The following TTC33 variants were observed in gnomAD, a reference collection of about 807,000 sequenced individuals.
TTC33 encodes tetratricopeptide repeat protein 33.
TTC33 carries 24 observed loss-of-function variants against 29.4 expected under a neutral mutation model. The observed-to-expected ratio is 0.82, with a 90% CI of 0.59 to 1.15. The LOEUF is 1.15. Among genes scored for constraint, TTC33 ranks in the 50% most tolerant of loss-of-function variants. The pLI, the probability that TTC33 is intolerant of heterozygous loss-of-function variation, is 0.00. For synonymous variants in TTC33, 107 were observed against 100.3 expected (o/e 1.07, Z -0.40); for missense variants, 286 against 310.4 (o/e 0.92, Z 0.59).
chr5:40,752,527 C>T (rs1742914226), intron 1 of TTC33, among the ~76,000 whole-genome samples: 1 of 152,142 alleles, frequency 6.6e-6, no homozygotes, highest in Admixed American at 6.5e-5. Context: ...TTCAATATTG[C>T]TGTGTCTCAG....
chr5:40,736,225 C>A (rs114827336), intron 2 of TTC33, among the ~76,000 whole-genome samples: 119 of 152,228 alleles, frequency 7.8e-4, no homozygotes, highest in African/African-American at 2.8e-3. Context: ...AAAATAAAGT[C>A]ATTCTACACT....
At chr5:40,747,743 A>T (rs1742823213) in intron 1 of TTC33, among the ~76,000 whole-genome samples, 1 of 152,234 alleles carries the variant, frequency 6.6e-6, no homozygotes, top group African/African-American at 2.4e-5. Context: ...TAACCCCTAA[A>T]TTAAGAGAGA....
intron 2 of TTC33, 73 bp from the exon 3 acceptor site, chr5:40,730,416 T>C (rs1461194004): frequency 9.7e-6 from 12 of 1,234,200 alleles, no homozygotes; most frequent in African/African-American, 1.5e-5. Context: ...AAAATTTTTA[T>C]TGTAGTAAAA....
intron 1 of TTC33, among the ~76,000 whole-genome samples, chr5:40,750,339 G>T (rs1474505367): frequency 1.3e-5 from 2 of 152,056 alleles, no homozygotes; most frequent in Non-Finnish European, 2.9e-5. Flanking sequence ...TGAGGCTAAG[G>T]CAGGTAGAGG....
At chr5:40,718,692 T>C (rs928920946) in intron 4 of TTC33, among the ~76,000 whole-genome samples, 1 of 151,076 alleles carries the variant, frequency 6.6e-6, no homozygotes, top group African/African-American at 2.4e-5. Flanking sequence ...GAGCCGAGAT[T>C]GCACCACCGC....
intron 4 of TTC33, among the ~76,000 whole-genome samples, chr5:40,723,676 C>A (rs1160806085): frequency 6.6e-6 from 1 of 152,120 alleles, no homozygotes; most frequent in Non-Finnish European, 1.5e-5. Flanking sequence ...ACCAGCCTGG[C>A]CAACATGGCA....
chr5:40,743,575 C>T (rs142416920), intron 2 of TTC33, among the ~76,000 whole-genome samples: 45 of 151,748 alleles, frequency 3.0e-4, no homozygotes, highest in African/African-American at 9.7e-4. Flanking sequence ...GGGTTCAAGA[C>T]CAGCCTGGCC....
intron 4 of TTC33, among the ~76,000 whole-genome samples, chr5:40,718,015 T>C (rs1317411846): frequency 3.3e-5 from 5 of 150,802 alleles, no homozygotes. Flanking sequence ...TGAGCCAAGA[T>C]CGCACAATTA....
At chr5:40,740,516 A>C (rs1561152355) in intron 2 of TTC33, among the ~76,000 whole-genome samples, 1 of 152,036 alleles carries the variant, frequency 6.6e-6, no homozygotes, top group Non-Finnish European at 1.5e-5. Flanking sequence ...TACACTCCGA[A>C]ATCCATGGCC....
intron 1 of TTC33, among the ~76,000 whole-genome samples, chr5:40,751,956 CA>C (rs1742903599): frequency 5.1e-5 from 4 of 77,698 alleles, no homozygotes; most frequent in Non-Finnish European, 1.0e-4. Flanking sequence ...AACTCCGTCT[CA>C]AAAGAAAAAA....
At chr5:40,740,116 T>C (rs1374059421) in intron 2 of TTC33, among the ~76,000 whole-genome samples, 1 of 152,172 alleles carries the variant, frequency 6.6e-6, no homozygotes, top group African/African-American at 2.4e-5. Flanking sequence ...AATTGTTATA[T>C]ATTTACTTCT....
intron 4 of TTC33, among the ~76,000 whole-genome samples, chr5:40,726,501 T>A (rs1323139633): frequency 2.6e-5 from 4 of 151,314 alleles, no homozygotes; most frequent in African/African-American, 9.7e-5. Context: ...GAGAACAGCT[T>A]AAATCTACAT....
intron 1 of TTC33, among the ~76,000 whole-genome samples, chr5:40,751,805 A>C (rs1166563759): frequency 6.6e-6 from 1 of 151,986 alleles, no homozygotes; most frequent in Non-Finnish European, 1.5e-5. Context: ...AAAAATACAA[A>C]AATTAGCTGG....
chr5:40,744,397 A>T (rs931692088), intron 2 of TTC33, among the ~76,000 whole-genome samples: 3 of 152,202 alleles, frequency 2.0e-5, no homozygotes, highest in Non-Finnish European at 4.4e-5. Context: ...CAAAAATAAA[A>T]ACAGACCTAA....
At chr5:40,722,246 C>T (rs1579670861) in intron 4 of TTC33, among the ~76,000 whole-genome samples, 1 of 150,982 alleles carries the variant, frequency 6.6e-6, no homozygotes, top group Non-Finnish European at 1.5e-5. Flanking sequence ...GGCGTGATCT[C>T]GGCTCGCTGC....
intron 2 of TTC33, among the ~76,000 whole-genome samples, chr5:40,737,396 C>T (rs1431762377): frequency 1.3e-5 from 2 of 151,876 alleles, no homozygotes; most frequent in Non-Finnish European, 2.9e-5. Context: ...ATAACCAAGA[C>T]CCGAAAATAC....
At chr5:40,748,641 T>C (rs1248701100) in intron 1 of TTC33, among the ~76,000 whole-genome samples, 3 of 152,012 alleles carry the variant, frequency 2.0e-5, no homozygotes, top group South Asian at 2.1e-4. Context: ...TCAGTGGAGG[T>C]TGGGAGTGCA....
chr5:40,749,272 G>A (rs1253433209), intron 1 of TTC33, among the ~76,000 whole-genome samples: 1 of 152,146 alleles, frequency 6.6e-6, no homozygotes, highest in East Asian at 1.9e-4. Context: ...AAATTTACTA[G>A]TTGTATAGAT....
rs1474308235 is a variant in TTC33 at position 40,723,050 on chromosome 5, A to T, written c.435+5295T>A. On this transcript the variant is annotated intron_variant, in intron 4 of 4. Coordinates refer to ENST00000337702, the MANE Select transcript of TTC33 (RefSeq NM_012382.3). Reference sequence around the variant, plus strand: ...CGGATTGTTACTGTGTCTGGGTAGAAAGAAGTAGACATGGGAGACTCCATT... The same window carrying T: ...CGGATTGTTACTGTGTCTGGGTAGATAGAAGTAGACATGGGAGACTCCATT... Among the ~76,000 whole-genome samples, 88 of 152,176 alleles carry T rather than the reference A, an allele frequency of 5.8e-4. 1 individual carries two copies. Among genetic ancestry groups the T allele is most frequent in the Admixed American group, 5.8e-3 (88 of 15,286 alleles).
Sources: gnomAD v4.1 joint callset for allele counts (sites outside exome capture counted in the v4.1 genomes callset) on GRCh38, gnomAD v4.1.1 for gene constraint, MANE v1.5 for transcripts, NCBI Gene and HGNC (gene_info 2026-07-23, HGNC 2026-07-21) for gene names.